Variants in CNTN5 observed in about 807,000 individuals in gnomAD.
The protein encoded by CNTN5 is contactin 5.
CNTN5 carries 77 observed loss-of-function variants against 129.1 expected under a neutral mutation model. That is an observed-to-expected ratio of 0.60 (90% CI 0.50 to 0.72). The LOEUF (loss-of-function observed/expected upper bound fraction) is 0.72, where lower values mean the gene tolerates loss of function less well. CNTN5 is among the 30% of genes least tolerant of loss of function. The probability of loss-of-function intolerance (pLI) is 0.00; values close to 1 mark genes in which losing one functional copy is unlikely to be tolerated. For synonymous variants in CNTN5, 509 were observed against 465.6 expected, an observed-to-expected ratio of 1.09 and a Z score of -1.20; for missense variants, 1,478 against 1,328.8, an observed-to-expected ratio of 1.11 and a Z score of -1.75.
intron 1 of CNTN5, among the ~76,000 whole-genome samples, chr11:99,249,422 C>T (rs1012076127): frequency 6.6e-6 from 1 of 151,984 alleles, no homozygotes; most frequent in African/African-American, 2.4e-5. Context: ...TGATGACAGG[C>T]ATAAGTGCTT....
chr11:99,972,178 G>A (rs1283431714), intron 8 of CNTN5, among the ~76,000 whole-genome samples: 1 of 151,474 alleles, frequency 6.6e-6, no homozygotes, highest in African/African-American at 2.4e-5. Context: ...GGAGAATGGC[G>A]TGAACCCGGG....
chr11:99,987,387 C>G lies in CNTN5; in HGVS notation c.878-14647C>G, dbSNP rs139415472. Among the ~76,000 whole-genome samples, 748 of 151,826 alleles carry G rather than the reference C, an allele frequency of 4.9e-3. 8 individuals are homozygous for G. The highest frequency in any genetic ancestry group is 0.017 in the African/African-American group (708 of 41,468). On this transcript the variant is annotated intron_variant, in intron 8 of 24. Coordinates refer to ENST00000524871, the MANE Select transcript of CNTN5 (RefSeq NM_014361.4). ...AAAAAAAGAAAAGAAAAATAATGAA[C>G]AATGCTATTTCTCTTTATATATATA...
In CNTN5 at chr11:99,272,298, C is replaced by T. The variant is rs543991005; in HGVS notation, c.-209-53048C>T. ...ATGGAGATCTATTTGAGTAAGCAGT[C>T]TTTTTTTTTTTTAACTGCAAATCAT... On this transcript the variant is annotated intron_variant, in intron 1 of 24. Coordinates refer to ENST00000524871, the MANE Select transcript of CNTN5 (RefSeq NM_014361.4). 1.6e-3 allele frequency among the ~76,000 whole-genome samples: 230 copies of T among 144,620 alleles called. 1 individual carries two copies. Among genetic ancestry groups the T allele is most frequent in the African/African-American group, 5.5e-3 (218 of 39,540 alleles). 94.9% of individuals were successfully genotyped at this position (144,620 alleles called of 152,430 possible). A position where few individuals can be genotyped will look rare whatever the true frequency, so the allele number is the denominator to read the frequency against.
chr11:99,791,560 G>T (rs1213566522), intron 3 of CNTN5, among the ~76,000 whole-genome samples: 1 of 152,020 alleles, frequency 6.6e-6, no homozygotes, highest in Non-Finnish European at 1.5e-5. Flanking sequence ...GATGCCTCCA[G>T]GTTTGTCCTC....
At chr11:99,221,361 C>A (rs954982474) in intron 1 of CNTN5, among the ~76,000 whole-genome samples, 6 of 151,896 alleles carry the variant, frequency 4.0e-5, no homozygotes, top group Middle Eastern at 3.4e-3. Flanking sequence ...AAATTATTTT[C>A]CTTTAAAGTC....
chr11:99,807,385 A>G (rs1441441301), intron 3 of CNTN5, among the ~76,000 whole-genome samples: 3 of 152,218 alleles, frequency 2.0e-5, no homozygotes, highest in Non-Finnish European at 4.4e-5. Context: ...CTGTTTGGTT[A>G]TATATGACAG....
At chr11:99,106,972 A>G (rs565305633) in intron 1 of CNTN5, among the ~76,000 whole-genome samples, 2 of 152,298 alleles carry the variant, frequency 1.3e-5, no homozygotes, top group African/African-American at 4.8e-5. Flanking sequence ...AGTCACTGAG[A>G]TGAAATATAA....
At chr11:99,819,522 T>C (rs755046611) in intron 3 of CNTN5, 22 bp from the exon 4 acceptor site, 3 of 1,571,510 alleles carry the variant, frequency 1.9e-6, no homozygotes, top group African/African-American at 2.7e-5. Flanking sequence ...ATTCAGATTT[T>C]ATTATATTTT....
intron 2 of CNTN5, among the ~76,000 whole-genome samples, chr11:99,422,516 T>A (rs976805454): frequency 4.7e-4 from 47 of 100,356 alleles, no homozygotes; most frequent in South Asian, 3.3e-3. Flanking sequence ...TACTTTATAT[T>A]TTTATATATA....
intron 2 of CNTN5, among the ~76,000 whole-genome samples, chr11:99,451,012 T>C (rs2656172): frequency 0.52 from 78,153 of 151,726 alleles, 20,582 homozygotes; most frequent in East Asian, 0.65. Context: ...CTTACCCCAT[T>C]TGTGATATAT....
rs1946268884 is a variant in CNTN5, at chr11:99,497,460, T to C, written c.-70-58685T>C. Among the ~76,000 whole-genome samples, 3 of 152,270 alleles carry C rather than the reference T, an allele frequency of 2.0e-5. No individual in the cohort carries two copies. The South Asian group carries it at 6.2e-4, about 32-fold the overall frequency. ...TAACCCAGATAGAAAATTCCCCTTT[T>C]CTGTAGGAACTTAGTAGTGGCAAAA... On this transcript the variant is annotated intron_variant, in intron 2 of 24. Coordinates refer to ENST00000524871, the MANE Select transcript of CNTN5 (RefSeq NM_014361.4).
chr11:99,792,934 T>A (rs1591190145), intron 3 of CNTN5, among the ~76,000 whole-genome samples: 1 of 152,208 alleles, frequency 6.6e-6, no homozygotes, highest in East Asian at 1.9e-4. Flanking sequence ...TAGTAGTCTC[T>A]GAGAGTTTTT....
At chr11:99,440,639 C>T (rs1461702322) in intron 2 of CNTN5, among the ~76,000 whole-genome samples, 2 of 152,042 alleles carry the variant, frequency 1.3e-5, no homozygotes, top group Non-Finnish European at 2.9e-5. Context: ...CCTTGTGTAA[C>T]ATTTCTTCTT....
At chr11:99,281,119 T>G (rs144877651) in intron 1 of CNTN5, among the ~76,000 whole-genome samples, 3 of 151,886 alleles carry the variant, frequency 2.0e-5, no homozygotes, top group Non-Finnish European at 2.9e-5. Flanking sequence ...CAAGAAAATG[T>G]CAAAGACAGG....
chr11:99,768,038 A>G (rs1183637355), intron 3 of CNTN5, among the ~76,000 whole-genome samples: 1 of 152,080 alleles, frequency 6.6e-6, no homozygotes, highest in Non-Finnish European at 1.5e-5. Flanking sequence ...TTATTTATGT[A>G]TTGTCTATGG....
chr11:99,641,282 C>CA (rs1230171954), intron 3 of CNTN5, among the ~76,000 whole-genome samples: 3 of 152,108 alleles, frequency 2.0e-5, no homozygotes, highest in Admixed American at 6.5e-5. Context: ...CTGAGTGGAA[C>CA]AAAAGGGCCA....
chr11:99,559,571 G>A (rs1409691770), intron 3 of CNTN5, among the ~76,000 whole-genome samples: 1 of 152,110 alleles, frequency 6.6e-6, no homozygotes, highest in Non-Finnish European at 1.5e-5. Context: ...TTCTGGTGAA[G>A]ATACAGATTG....
chr11:100,003,386 G>T (rs542267856), intron 9 of CNTN5, among the ~76,000 whole-genome samples: 1 of 152,244 alleles, frequency 6.6e-6, no homozygotes, highest in Non-Finnish European at 1.5e-5. Flanking sequence ...ACCATTTGCT[G>T]TTCTGTGTCA....
intron 8 of CNTN5, among the ~76,000 whole-genome samples, chr11:99,995,332 A>AAT: frequency 6.6e-6 from 1 of 152,124 alleles, no homozygotes; most frequent in African/African-American, 2.4e-5. Context: ...AAATTAAAAA[A>AAT]AAAAACAATA....
Sources: allele counts gnomAD v4.1 joint callset (sites outside exome capture counted in the v4.1 genomes callset), GRCh38; gene constraint gnomAD v4.1.1; transcripts MANE v1.5; gene names NCBI Gene and HGNC (gene_info 2026-07-23, HGNC 2026-07-21).